The following NYAP2 variants were observed in gnomAD, a reference collection of about 807,000 sequenced individuals.
NYAP2 encodes the protein neuronal tyrosine-phosphorylated phosphoinositide-3-kinase adapter 2.
Under a neutral mutation model 50.4 loss-of-function variants are expected in NYAP2, and 23 were observed. The observed-to-expected ratio is 0.46, with a 90% confidence interval of 0.33 to 0.65. NYAP2 has a LOEUF of 0.65. NYAP2 is among the 30% of genes least tolerant of loss of function. The pLI, the probability that NYAP2 is intolerant of heterozygous loss-of-function variation, is 0.02. For missense variants in NYAP2, 885 were observed against 861.0 expected (o/e 1.03, Z -0.35); for synonymous variants, 394 against 365.2 (o/e 1.08, Z -0.90).
upstream of NYAP2, among the ~76,000 whole-genome samples, chr2:225,399,205 A>T (rs1694817724): frequency 6.6e-6 from 1 of 152,070 alleles, no homozygotes; most frequent in African/African-American, 2.4e-5. Flanking sequence ...ATTGCTTTTT[A>T]AGCTCATATC....
chr2:225,524,803 G>T (rs747545929), intron 4 of NYAP2, among the ~76,000 whole-genome samples: 3 of 152,010 alleles, frequency 2.0e-5, no homozygotes, highest in Non-Finnish European at 4.4e-5. Context: ...AGAGTAAACA[G>T]AGAAACTGTA....
chr2:225,564,025 A>T (rs1330822634), intron 4 of NYAP2, among the ~76,000 whole-genome samples: 1 of 152,128 alleles, frequency 6.6e-6, no homozygotes, highest in Admixed American at 6.6e-5. Flanking sequence ...TGTCATCTTG[A>T]TGGCATTTAT....
At chr2:225,629,633 A>G (rs747988465) in intron 6 of NYAP2, among the ~76,000 whole-genome samples, 1 of 152,184 alleles carries the variant, frequency 6.6e-6, no homozygotes, top group Non-Finnish European at 1.5e-5. Flanking sequence ...GCTTCTGCTC[A>G]CCATGAGGTT....
chr2:225,548,788 C>T (rs1342001419), intron 4 of NYAP2, among the ~76,000 whole-genome samples: 1 of 152,050 alleles, frequency 6.6e-6, no homozygotes, highest in African/African-American at 2.4e-5. Flanking sequence ...TTCTAAGGGA[C>T]AACTTTGAGC....
At chr2:225,635,006 G>A (rs1236397687) in intron 6 of NYAP2, among the ~76,000 whole-genome samples, 1 of 152,190 alleles carries the variant, frequency 6.6e-6, no homozygotes, top group Non-Finnish European at 1.5e-5. Context: ...ATTTTCTCTT[G>A]AAACTTCTAA....
chr2:225,408,925 T>C (rs746863940), exon 3 of NYAP2: 1 of 1,611,710 alleles, frequency 6.2e-7, no homozygotes. Context: ...AGGAAGACCC[T>C]TTGGACACAT....
At chr2:225,476,601 C>G (rs1690112387) in intron 3 of NYAP2, among the ~76,000 whole-genome samples, 1 of 152,086 alleles carries the variant, frequency 6.6e-6, no homozygotes, top group African/African-American at 2.4e-5. Context: ...ATCATTTTCT[C>G]TATCACTTTC....
At chr2:225,413,664 G>A (rs779293954) in intron 3 of NYAP2, among the ~76,000 whole-genome samples, 7 of 152,118 alleles carry the variant, frequency 4.6e-5, no homozygotes, top group Non-Finnish European at 7.4e-5. Context: ...TTCCAGGGAT[G>A]GTGAAAGATA....
At position 225,580,836 on chromosome 2, in the gene NYAP2, C is replaced by T. The variant is rs74712752; in HGVS notation, c.524-1105C>T. Among the ~76,000 whole-genome samples, 40 of 152,008 alleles carry T rather than the reference C, an allele frequency of 2.6e-4. 2 individuals carry two copies. In the East Asian group the frequency reaches 7.7e-3, roughly 29 times the overall value. Reference sequence around the variant, plus strand: ...GAGACCCTTCTCTTTAGCTTGTTAGCTCCTCACAGTCTTACAACTCTAAGT... The same window carrying T: ...GAGACCCTTCTCTTTAGCTTGTTAGTTCCTCACAGTCTTACAACTCTAAGT... On this transcript the variant is annotated intron_variant, in intron 4 of 6. Transcript: ENST00000636099.
intron 5 of NYAP2, among the ~76,000 whole-genome samples, chr2:225,605,900 T>C (rs1365275672): frequency 6.6e-6 from 1 of 152,142 alleles, no homozygotes; most frequent in African/African-American, 2.4e-5. Context: ...ATCTAGCCAG[T>C]CTACAAAATT....
At chr2:225,481,636 T>C (rs1362710418) in intron 3 of NYAP2, among the ~76,000 whole-genome samples, 1 of 152,160 alleles carries the variant, frequency 6.6e-6, no homozygotes, top group Non-Finnish European at 1.5e-5. Flanking sequence ...TACTTCTCTC[T>C]TGCAAACAAT....
intron 4 of NYAP2, among the ~76,000 whole-genome samples, chr2:225,519,496 C>G (rs1335713186): frequency 4.8e-5 from 7 of 147,122 alleles, no homozygotes; most frequent in Admixed American, 1.4e-4. Flanking sequence ...TGTTCAGTTC[C>G]CACCTATGAG....
At chr2:225,470,535 A>C (rs753337705) in intron 3 of NYAP2, among the ~76,000 whole-genome samples, 1 of 152,132 alleles carries the variant, frequency 6.6e-6, no homozygotes, top group Non-Finnish European at 1.5e-5. Context: ...GAGGAAAAGG[A>C]TACTCAACAT....
intron 3 of NYAP2, among the ~76,000 whole-genome samples, chr2:225,446,780 C>T (rs1163807043): frequency 1.3e-5 from 2 of 151,962 alleles, no homozygotes; most frequent in African/African-American, 4.8e-5. Flanking sequence ...AACAGGGCCA[C>T]AAGGATGACT....
chr2:225,488,343 C>A (rs1281722241), intron 3 of NYAP2, among the ~76,000 whole-genome samples: 1 of 152,126 alleles, frequency 6.6e-6, no homozygotes, highest in Non-Finnish European at 1.5e-5. Flanking sequence ...ATAAGCCAAT[C>A]ACATAAACAT....
intron 5 of NYAP2, among the ~76,000 whole-genome samples, chr2:225,611,029 A>C (rs750173205): frequency 1.8e-4 from 27 of 152,298 alleles, no homozygotes; most frequent in Non-Finnish European, 3.5e-4. Flanking sequence ...TAATTTATGG[A>C]CTTCAAGGTT....
At chr2:225,601,390 C>T (rs951137230) in intron 5 of NYAP2, among the ~76,000 whole-genome samples, 3 of 152,032 alleles carry the variant, frequency 2.0e-5, no homozygotes, top group East Asian at 1.9e-4. Flanking sequence ...TCCATCCTCC[C>T]GGCCTCCCAA....
At chr2:225,414,678 C>T (rs989715150) in intron 3 of NYAP2, among the ~76,000 whole-genome samples, 4 of 151,994 alleles carry the variant, frequency 2.6e-5, no homozygotes, top group African/African-American at 9.7e-5. Context: ...TCTGTGAACA[C>T]CTTCCTTGGA....
At chr2:225,408,643 T>C (rs2106118882) in intron 2 of NYAP2, among the ~76,000 whole-genome samples, 1 of 152,190 alleles carries the variant, frequency 6.6e-6, no homozygotes, top group South Asian at 2.1e-4. Flanking sequence ...AGCTTTGACC[T>C]TTGTCCTGCT....
Sources: gnomAD v4.1 joint callset for allele counts (sites outside exome capture counted in the v4.1 genomes callset) on GRCh38, gnomAD v4.1.1 for gene constraint, MANE v1.5 for transcripts, NCBI Gene and HGNC (gene_info 2026-07-23, HGNC 2026-07-21) for gene names.